Variants in EPHB1 observed in about 807,000 individuals in gnomAD.
The protein encoded by EPHB1 is ephrin type-B receptor 1.
EPHB1 carries 30 observed loss-of-function variants against 94.4 expected under a neutral mutation model. The ratio of observed to expected loss-of-function variants is 0.32; its 90% CI spans 0.24 to 0.43. EPHB1 has a LOEUF of 0.43. EPHB1 is among the 20% of genes least tolerant of loss of function. The pLI is 1.00. For synonymous variants in EPHB1, 522 were observed against 489.1 expected (o/e 1.07, Z -0.89); for missense variants, 1,055 against 1,308.3 (o/e 0.81, Z 2.99).
chr3:135,135,782 T>G (rs757023139), intron 5 of EPHB1, among the ~76,000 whole-genome samples: 4 of 152,204 alleles, frequency 2.6e-5, no homozygotes, highest in Admixed American at 6.5e-5. Flanking sequence ...GGATCAATCA[T>G]TAAGTCAACC....
At chr3:135,230,219 C>G (rs1473007432) in intron 12 of EPHB1, among the ~76,000 whole-genome samples, 2 of 152,154 alleles carry the variant, frequency 1.3e-5, no homozygotes, top group Non-Finnish European at 2.9e-5. Flanking sequence ...CCTTCTTGCC[C>G]CCTGTTCCAT....
intron 3 of EPHB1, among the ~76,000 whole-genome samples, chr3:134,991,617 C>T (rs2107738106): frequency 6.6e-6 from 1 of 152,310 alleles, no homozygotes; most frequent in Non-Finnish European, 1.5e-5. Context: ...CTGCCACTGG[C>T]TCCATGGACC....
intron 9 of EPHB1, among the ~76,000 whole-genome samples, chr3:135,170,529 G>A (rs1307182480): frequency 6.6e-6 from 1 of 152,104 alleles, no homozygotes; most frequent in Non-Finnish European, 1.5e-5. Flanking sequence ...GTGGCTTTCC[G>A]AGTCCTGGAA....
At chr3:135,126,820 A>T (rs1490233804) in intron 4 of EPHB1, among the ~76,000 whole-genome samples, 2 of 152,166 alleles carry the variant, frequency 1.3e-5, no homozygotes, top group South Asian at 2.1e-4. Flanking sequence ...GGGCTCCTAC[A>T]TCAGGTTTCC....
intron 12 of EPHB1, among the ~76,000 whole-genome samples, chr3:135,234,011 G>A (rs13099301): frequency 0.65 from 98,338 of 151,996 alleles, 33,215 homozygotes; most frequent in Middle Eastern, 0.76. Flanking sequence ...GTGATGGGAG[G>A]GACTGTGGTG....
intron 3 of EPHB1, among the ~76,000 whole-genome samples, chr3:135,096,831 C>T (rs1031584372): frequency 6.6e-6 from 1 of 152,326 alleles, no homozygotes; most frequent in African/African-American, 2.4e-5. Flanking sequence ...GGCACAATGG[C>T]TCATGCCTGT....
intron 3 of EPHB1, among the ~76,000 whole-genome samples, chr3:134,970,670 G>T (rs1405954722): frequency 2.0e-5 from 3 of 152,176 alleles, no homozygotes; most frequent in Non-Finnish European, 4.4e-5. Context: ...TTTGAAGAAT[G>T]AAGAGGCTGG....
chr3:135,187,255 A>T (rs1404514994), intron 10 of EPHB1, among the ~76,000 whole-genome samples: 3 of 152,254 alleles, frequency 2.0e-5, no homozygotes, highest in Non-Finnish European at 4.4e-5. Context: ...AATCTGTGTG[A>T]AAAGAATCAA....
chr3:134,879,912 G>GA (rs2037693780), intron 1 of EPHB1, among the ~76,000 whole-genome samples: 2 of 151,988 alleles, frequency 1.3e-5, no homozygotes, highest in South Asian at 4.2e-4. Flanking sequence ...AATGAGGCCA[G>GA]AAAAAAACGA....
intron 3 of EPHB1, among the ~76,000 whole-genome samples, chr3:135,099,989 G>C (rs754550290): frequency 1.3e-5 from 2 of 152,194 alleles, no homozygotes; most frequent in Non-Finnish European, 2.9e-5. Context: ...CTGCTGAGCT[G>C]CACCTGCCTT....
intron 3 of EPHB1, among the ~76,000 whole-genome samples, chr3:134,985,041 T>C (rs1187565294): frequency 6.6e-6 from 1 of 152,112 alleles, no homozygotes; most frequent in East Asian, 1.9e-4. Flanking sequence ...GTTGAGTACT[T>C]TTTATTGCAC....
intron 11 of EPHB1, among the ~76,000 whole-genome samples, chr3:135,195,376 C>G (rs1377699442): frequency 1.3e-5 from 2 of 151,848 alleles, no homozygotes; most frequent in African/African-American, 2.4e-5. Context: ...GGTACATGTG[C>G]ACATTGTGCA....
rs77698564 is a variant in EPHB1 at position 135,050,751 on chromosome 3, C to T, written c.806-55697C>T. Reference sequence around the variant, plus strand: ...CTGGTTGTTTAAAAGAATGTGGCACCTCCCCCATGCTCTCTTGCTTCCTCT... The same window carrying T: ...CTGGTTGTTTAAAAGAATGTGGCACTTCCCCCATGCTCTCTTGCTTCCTCT... On this transcript the variant is annotated intron_variant, in intron 3 of 15. Transcript: ENST00000398015. 5.4e-3 allele frequency among the ~76,000 whole-genome samples: 823 copies of T among 152,222 alleles called. 3 individuals carry two copies. The highest frequency in any genetic ancestry group is 0.02 in the Middle Eastern group (6 of 294).
At chr3:134,935,686 C>T (rs942058708) in intron 2 of EPHB1, among the ~76,000 whole-genome samples, 7 of 152,196 alleles carry the variant, frequency 4.6e-5, no homozygotes, top group African/African-American at 7.2e-5. Context: ...GACTCTTGTT[C>T]GAAAGACCTA....
At chr3:134,938,414 T>C (rs567121584) in intron 2 of EPHB1, among the ~76,000 whole-genome samples, 14 of 152,354 alleles carry the variant, frequency 9.2e-5, no homozygotes, top group African/African-American at 2.9e-4. Context: ...GCTCGTGCCC[T>C]GCTGGCCTTG....
intron 5 of EPHB1, among the ~76,000 whole-genome samples, chr3:135,134,841 C>T (rs910292335): frequency 6.6e-6 from 1 of 152,116 alleles, no homozygotes; most frequent in Non-Finnish European, 1.5e-5. Context: ...TTCTCTCTCT[C>T]TAAGCATGTG....
intron 3 of EPHB1, among the ~76,000 whole-genome samples, chr3:135,076,442 C>G (rs1415530509): frequency 6.6e-6 from 1 of 152,050 alleles, no homozygotes; most frequent in African/African-American, 2.4e-5. Context: ...TTTACACTCA[C>G]TAGAATGGAT....
chr3:135,210,626 C>T (rs1334393465), intron 12 of EPHB1, among the ~76,000 whole-genome samples: 2 of 152,186 alleles, frequency 1.3e-5, no homozygotes, highest in Non-Finnish European at 2.9e-5. Context: ...CCAACCTCCT[C>T]ACTTTTGGAT....
At chr3:135,099,335 GGATGGATGGA>G in intron 3 of EPHB1, among the ~76,000 whole-genome samples, 1 of 83,872 alleles carries the variant, frequency 1.2e-5, no homozygotes, top group Non-Finnish European at 3.2e-5. Flanking sequence ...ATGGATGGAC[GGATGGATGGA>G]TGGATGGATG....
Sources: gnomAD v4.1 joint callset for allele counts (sites outside exome capture counted in the v4.1 genomes callset) on GRCh38, gnomAD v4.1.1 for gene constraint, MANE v1.5 for transcripts, NCBI Gene and HGNC (gene_info 2026-07-23, HGNC 2026-07-21) for gene names.